Variants in TMEM132C observed in about 807,000 individuals in gnomAD.
The protein encoded by TMEM132C is transmembrane protein 132C, also known as protein phosphatase 1, regulatory subunit 152.
In TMEM132C, 29 loss-of-function variants were observed where a neutral mutation model predicts 61.4. That is an observed-to-expected ratio of 0.47 (90% CI 0.35 to 0.64). TMEM132C has a LOEUF of 0.64. Among genes scored for constraint, TMEM132C ranks in the 30% least tolerant of loss-of-function variants. The probability of loss-of-function intolerance (pLI) is 0.00; values close to 1 mark genes in which losing one functional copy is unlikely to be tolerated. For missense variants in TMEM132C, 1,408 were observed against 1,476.9 expected, an observed-to-expected ratio of 0.95 and a Z score of 0.76; for synonymous variants, 656 against 633.1, an observed-to-expected ratio of 1.04 and a Z score of -0.54.
At chr12:128,454,951 C>T (rs565770848) in intron 2 of TMEM132C, among the ~76,000 whole-genome samples, 1 of 152,306 alleles carries the variant, frequency 6.6e-6, no homozygotes, top group East Asian at 1.9e-4. Context: ...AGGCATAGAG[C>T]AGGTGGGGTT....
chr12:128,417,017 G>C (rs148810138), intron 2 of TMEM132C, among the ~76,000 whole-genome samples: 3 of 152,262 alleles, frequency 2.0e-5, no homozygotes, highest in African/African-American at 7.2e-5. Context: ...TCAGCGTATC[G>C]GCGGCTTATT....
At chr12:128,280,180 A>AATGG (rs1416783719) in intron 1 of TMEM132C, among the ~76,000 whole-genome samples, 1 of 152,190 alleles carries the variant, frequency 6.6e-6, no homozygotes, top group Non-Finnish European at 1.5e-5. Context: ...TCTAGCTGAG[A>AATGG]ATGGAGCCTG....
chr12:128,543,789 C>T (rs1484148979), intron 2 of TMEM132C, among the ~76,000 whole-genome samples, 168 bp from the exon 3 acceptor site: 1 of 152,092 alleles, frequency 6.6e-6, no homozygotes, highest in African/African-American at 2.4e-5. Flanking sequence ...AGATCCCGCT[C>T]GCCCTGCCCT....
intron 4 of TMEM132C, among the ~76,000 whole-genome samples, chr12:128,629,070 A>G (rs1593126240): frequency 1.3e-5 from 2 of 152,234 alleles, no homozygotes; most frequent in East Asian, 3.8e-4. Context: ...TGTGGATGCA[A>G]GGGATAACTT....
Position 128,449,382 on chromosome 12 carries a change from A to G in TMEM132C, c.974+33762A>G, listed in dbSNP as rs138858988. On this transcript the variant is annotated intron_variant, in intron 2 of 8. Transcript: ENST00000435159. ...CTGGTCCCCGGAGGCGTTTTTGTTT[A>G]CAGTGTCTACTATAGTATTTCAGTG... Among the ~76,000 whole-genome samples, 868 of 151,218 alleles carry G rather than the reference A, an allele frequency of 5.7e-3. 6 individuals are homozygous for G. The highest frequency in any genetic ancestry group is 0.02 in the African/African-American group (831 of 41,314).
At chr12:128,454,486 A>G (rs1870279146) in intron 2 of TMEM132C, among the ~76,000 whole-genome samples, 1 of 152,236 alleles carries the variant, frequency 6.6e-6, no homozygotes, top group African/African-American at 2.4e-5. Flanking sequence ...CAAATTACTC[A>G]GAAATATAGA....
chr12:128,567,887 T>C (rs530094917), intron 3 of TMEM132C, among the ~76,000 whole-genome samples: 3 of 152,244 alleles, frequency 2.0e-5, no homozygotes, highest in Non-Finnish European at 4.4e-5. Flanking sequence ...TGGGCTGTGC[T>C]GATTCGATTT....
intron 2 of TMEM132C, among the ~76,000 whole-genome samples, chr12:128,533,309 A>G (rs1360527148): frequency 1.3e-5 from 2 of 152,194 alleles, no homozygotes; most frequent in South Asian, 4.1e-4. Context: ...TGACAGCTTC[A>G]CAGCAGCTCC....
At chr12:128,529,755 C>G (rs190470230) in intron 2 of TMEM132C, among the ~76,000 whole-genome samples, 17 of 152,202 alleles carry the variant, frequency 1.1e-4, no homozygotes, top group Non-Finnish European at 2.2e-4. Context: ...CACTGCACTC[C>G]AGCCTGGGTG....
chr12:128,656,090 G>C (rs900036797), intron 4 of TMEM132C, among the ~76,000 whole-genome samples: 4 of 152,048 alleles, frequency 2.6e-5, no homozygotes, highest in Non-Finnish European at 5.9e-5. Context: ...TCGCTCTGTC[G>C]CTCAGGCTGG....
intron 2 of TMEM132C, among the ~76,000 whole-genome samples, chr12:128,434,669 C>T (rs1057038229): frequency 2.0e-5 from 3 of 152,028 alleles, no homozygotes; most frequent in Non-Finnish European, 4.4e-5. Flanking sequence ...GTGGCATGAT[C>T]TCGGCTCACT....
intron 1 of TMEM132C, among the ~76,000 whole-genome samples, chr12:128,352,859 G>A (rs958533457): frequency 3.3e-5 from 5 of 152,142 alleles, no homozygotes; most frequent in Admixed American, 2.6e-4. Context: ...CATGTTTCTG[G>A]TGAGAGAGGA....
intron 2 of TMEM132C, among the ~76,000 whole-genome samples, chr12:128,493,122 C>T (rs1004921966): frequency 6.6e-6 from 1 of 152,134 alleles, no homozygotes; most frequent in African/African-American, 2.4e-5. Context: ...TTCCCCATTT[C>T]TTGTTTTTGT....
intron 2 of TMEM132C, among the ~76,000 whole-genome samples, chr12:128,418,008 C>A (rs1341815537): frequency 6.6e-6 from 1 of 152,144 alleles, no homozygotes; most frequent in East Asian, 1.9e-4. Context: ...TGGAGCGCAG[C>A]AGCCGTATTC....
intron 8 of TMEM132C, among the ~76,000 whole-genome samples, chr12:128,702,607 C>T (rs7968966): frequency 0.11 from 17,400 of 152,142 alleles, 1,342 homozygotes; most frequent in Non-Finnish European, 0.18. Flanking sequence ...CCTGGTTGCT[C>T]GGCTTTGTTT....
chr12:128,514,264 A>C (rs935640898), intron 2 of TMEM132C, among the ~76,000 whole-genome samples: 1 of 152,156 alleles, frequency 6.6e-6, no homozygotes, highest in Non-Finnish European at 1.5e-5. Flanking sequence ...GGAGGGAAAC[A>C]TGTTTCTCTT....
intron 1 of TMEM132C, among the ~76,000 whole-genome samples, chr12:128,269,611 G>A (rs1870443889): frequency 1.3e-5 from 2 of 152,020 alleles, no homozygotes; most frequent in Non-Finnish European, 2.9e-5. Context: ...TTCTTTCCCT[G>A]CTTTTTGCTT....
At chr12:128,585,682 A>G (rs1010209125) in intron 3 of TMEM132C, among the ~76,000 whole-genome samples, 4 of 152,254 alleles carry the variant, frequency 2.6e-5, no homozygotes, top group Admixed American at 6.5e-5. Flanking sequence ...CAAAGCAGCA[A>G]GCAGCGTGTG....
In TMEM132C at chr12:128,630,090, G is replaced by C. The variant is rs1448333416; in HGVS notation, c.1305+13755G>C. 3.3e-5 allele frequency among the ~76,000 whole-genome samples: 5 copies of C among 152,054 alleles called. No individual in the cohort carries two copies. Among genetic ancestry groups the C allele is most frequent in the Non-Finnish European group, 5.9e-5 (4 of 68,006 alleles). The stretch of plus-strand genomic sequence containing the variant: ...AAGGGAGAGGCATGGCTGTGTTTCA[G>C]GGGTCTTTGAACTTGAGCAGGGACA... On this transcript the variant is annotated intron_variant, in intron 4 of 8. Coordinates refer to ENST00000435159, the MANE Select transcript of TMEM132C (RefSeq NM_001136103.3). This position sits in a 1 kb window ranked among gnomAD's most constrained non-coding sequence, Gnocchi z 4.3.
Sources: allele counts gnomAD v4.1 joint callset (sites outside exome capture counted in the v4.1 genomes callset), GRCh38; gene constraint gnomAD v4.1.1; non-coding constraint Gnocchi (gnomAD v3.1); transcripts MANE v1.5; gene names NCBI Gene and HGNC (gene_info 2026-07-23, HGNC 2026-07-21).